Variants in MCTP1 observed in about 807,000 individuals in gnomAD.
MCTP1 encodes multiple C2 and transmembrane domain-containing protein 1.
Under a neutral mutation model 120.6 loss-of-function variants are expected in MCTP1, and 69 were observed. The ratio of observed to expected loss-of-function variants is 0.57; its 90% CI spans 0.47 to 0.70. The LOEUF is 0.70. Ranked by LOEUF, MCTP1 falls within the 30% of genes least tolerant of loss-of-function variation. The pLI is 0.00. For synonymous variants in MCTP1, 529 were observed against 493.1 expected (o/e 1.07, Z -0.96); for missense variants, 1,203 against 1,248.8 (o/e 0.96, Z 0.55).
chr5:95,006,380 A>G (rs1834766857), intron 2 of MCTP1, among the ~76,000 whole-genome samples: 1 of 151,834 alleles, frequency 6.6e-6, no homozygotes. Flanking sequence ...TATGTATATT[A>G]GAAGCTTAAG....
At chr5:95,125,867 A>G (rs921743017) in intron 1 of MCTP1, among the ~76,000 whole-genome samples, 3 of 152,194 alleles carry the variant, frequency 2.0e-5, no homozygotes, top group African/African-American at 7.2e-5. Context: ...CATTGACCTA[A>G]TTTGTACATA....
chr5:94,782,509 C>T (rs192995616), intron 18 of MCTP1, among the ~76,000 whole-genome samples: 11 of 152,210 alleles, frequency 7.2e-5, no homozygotes, highest in Non-Finnish European at 1.3e-4. Flanking sequence ...CAATGAACAT[C>T]GAAACTGCAA....
chr5:94,782,246 AATAAT>A (rs1187056833), intron 18 of MCTP1, among the ~76,000 whole-genome samples: 1 of 152,202 alleles, frequency 6.6e-6, no homozygotes, highest in Non-Finnish European at 1.5e-5. Flanking sequence ...TTGGAAATTA[AATAAT>A]ATATTTTTTC....
chr5:95,244,143 A>T (rs1756483949), intron 1 of MCTP1, among the ~76,000 whole-genome samples: 1 of 152,236 alleles, frequency 6.6e-6, no homozygotes, highest in Non-Finnish European at 1.5e-5. Context: ...TGCTTCCAAG[A>T]TGGCTGAATA....
intron 1 of MCTP1, among the ~76,000 whole-genome samples, chr5:95,064,312 C>T (rs1358173950): frequency 6.6e-6 from 1 of 152,182 alleles, no homozygotes; most frequent in Non-Finnish European, 1.5e-5. Flanking sequence ...ATCCAGAAAT[C>T]CGTGGAGACT....
rs200080797 is a variant in MCTP1, at chr5:94,953,344, C to T, written c.856G>A (p.Val286Met). 1.2e-6 allele frequency: 2 copies of T among 1,607,220 alleles called. No individual in the cohort carries two copies. Among genetic ancestry groups the T allele is most frequent in the South Asian group, 1.1e-5 (1 of 89,890 alleles). The change falls in exon 3 of 23, where the codon GTG (valine) becomes ATG (methionine). Residue 286 changes from valine to methionine, a missense_variant. By Grantham distance (21) the Val-to-Met change is conservative. This residue lies in a region of MCTP1 where 740 missense variants were observed against 871.1 expected (regional missense o/e 0.85). Coordinates refer to ENST00000515393, the MANE Select transcript of MCTP1 (RefSeq NM_024717.7). ...RDRGGTSDPY[V>M]KFKIGGKEVF... ...TCTTTTCCTCCGATTTTAAACTTCA[C>T]ATATGGATCACTCGTCCCTGTTAAA...
chr5:95,008,286 C>G (rs1835159349), intron 2 of MCTP1, among the ~76,000 whole-genome samples: 1 of 152,114 alleles, frequency 6.6e-6, no homozygotes, highest in African/African-American at 2.4e-5. Flanking sequence ...CTATTCTTCC[C>G]CTTGCTTTTA....
chr5:94,778,041 A>G (rs747583958), intron 19 of MCTP1, among the ~76,000 whole-genome samples: 1 of 151,942 alleles, frequency 6.6e-6, no homozygotes, highest in African/African-American at 2.4e-5. Context: ...TTTCTCGTGT[A>G]TGCTTTCAAC....
intron 19 of MCTP1, among the ~76,000 whole-genome samples, chr5:94,718,973 G>A (rs1427616770): frequency 6.6e-6 from 1 of 152,122 alleles, no homozygotes; most frequent in Non-Finnish European, 1.5e-5. Context: ...CACCCACCTT[G>A]GCCTCCCAAA....
chr5:94,889,750 C>CCCCACACA (rs1554128963), intron 11 of MCTP1, among the ~76,000 whole-genome samples: 62 of 145,606 alleles, frequency 4.3e-4, no homozygotes, highest in African/African-American at 1.6e-3. Flanking sequence ...TGAATGTACA[C>CCCCACACA]CACACACACA....
At chr5:95,089,259 A>C (rs1378673107) in intron 1 of MCTP1, among the ~76,000 whole-genome samples, 1 of 152,120 alleles carries the variant, frequency 6.6e-6, no homozygotes, top group Non-Finnish European at 1.5e-5. Flanking sequence ...TTATTTCTGC[A>C]TTTATAAATC....
At chr5:95,116,067 G>A (rs142640943) in intron 1 of MCTP1, among the ~76,000 whole-genome samples, 3 of 151,150 alleles carry the variant, frequency 2.0e-5, no homozygotes, top group Non-Finnish European at 2.9e-5. Context: ...AATGTCCTTC[G>A]AACACGAAGG....
chr5:94,826,769 CTGCTT>C, intron 17 of MCTP1: 2 of 106,942 alleles, frequency 1.9e-5, no homozygotes, highest in Non-Finnish European at 3.5e-5. Context: ...GTTGTGACCC[CTGCTT>C]TTTTTTTTTT....
intron 1 of MCTP1, among the ~76,000 whole-genome samples, chr5:95,116,581 T>C (rs757079230): frequency 3.3e-5 from 5 of 151,948 alleles, no homozygotes; most frequent in Non-Finnish European, 4.4e-5. Context: ...AGAATTCCAA[T>C]GGTAGTTTAA....
intron 11 of MCTP1, among the ~76,000 whole-genome samples, chr5:94,891,557 T>C (rs1321117429): frequency 6.6e-6 from 1 of 152,138 alleles, no homozygotes; most frequent in African/African-American, 2.4e-5. Context: ...TGTCTGAGAA[T>C]CCTTTCACAT....
In MCTP1 at chr5:94,864,564, G is replaced by A. The variant is rs193251660; in HGVS notation, c.2436+3769C>T. The stretch of plus-strand genomic sequence containing the variant: ...TTTGTCTCTCTCATGTAGCACTAGC[G>A]CTCCGTTCCCCAAGGACTACACAGC... On this transcript the variant is annotated intron_variant, in intron 17 of 22. Transcript: ENST00000515393. Among the ~76,000 whole-genome samples the A allele has an allele frequency of 7.2e-3, 1,094 of 151,850 alleles. 11 individuals carry two copies. The highest frequency in any genetic ancestry group is 0.023 in the African/African-American group (963 of 41,474).
intron 1 of MCTP1, among the ~76,000 whole-genome samples, chr5:95,090,258 G>T (rs538139262): frequency 6.6e-6 from 1 of 152,230 alleles, no homozygotes; most frequent in East Asian, 1.9e-4. Flanking sequence ...GAGAAATAAA[G>T]CATAGTTTTT....
In MCTP1 at chr5:94,902,023, C is replaced by T. The variant is rs78669915; in HGVS notation, c.1653-7188G>A. On this transcript the variant is annotated intron_variant, in intron 10 of 22. Coordinates refer to ENST00000515393, the MANE Select transcript of MCTP1 (RefSeq NM_024717.7). ...AGCTTCATGGCTAACACGAAGGGGT[C>T]AACAGTGGCACCCTTTGGGGCTCAC... 3.8e-3 allele frequency among the ~76,000 whole-genome samples: 578 copies of T among 152,278 alleles called. 3 individuals carry two copies. The highest frequency in any genetic ancestry group is 0.01 in the Middle Eastern group (3 of 294).
At chr5:94,971,367 A>T (rs145035244) in intron 2 of MCTP1, among the ~76,000 whole-genome samples, 76 of 151,124 alleles carry the variant, frequency 5.0e-4, no homozygotes, top group African/African-American at 1.4e-3. Flanking sequence ...AATGCAATTT[A>T]AAAAAAAATG....
Sources: allele counts gnomAD v4.1 joint callset (sites outside exome capture counted in the v4.1 genomes callset), GRCh38; gene constraint gnomAD v4.1.1; regional missense constraint gnomAD v4.1.1; transcripts MANE v1.5; gene names NCBI Gene and HGNC (gene_info 2026-07-23, HGNC 2026-07-21).